Variants in PRRG1 observed in about 807,000 individuals in gnomAD.
The protein encoded by PRRG1 is transmembrane gamma-carboxyglutamic acid protein 1.
Under a neutral mutation model 11.8 loss-of-function variants are expected in PRRG1, and 5 were observed. The ratio of observed to expected loss-of-function variants is 0.42; its 90% CI spans 0.22 to 0.89. The LOEUF (loss-of-function observed/expected upper bound fraction) is 0.89. PRRG1 is among the 40% of genes least tolerant of loss of function. The pLI is 0.28. For synonymous variants in PRRG1, 66 were observed against 60.4 expected (o/e 1.09, Z -0.43); for missense variants, 155 against 166.1 (o/e 0.93, Z 0.37).
intron 1 of PRRG1, among the ~76,000 whole-genome samples, chrX:37,361,623 G>T (rs181288362): frequency 2.6e-4 from 29 of 111,709 alleles, no homozygotes; most frequent in Non-Finnish European, 4.3e-4. Context: ...GTTGTCTGTG[G>T]TCTATTTCTT....
chrX:37,378,487 C>G (rs1931050468), intron 1 of PRRG1, among the ~76,000 whole-genome samples: 1 of 111,748 alleles, frequency 8.9e-6, no homozygotes, highest in Admixed American at 9.5e-5. Flanking sequence ...AGCAGCCTTT[C>G]CTGAGTGACT....
intron 1 of PRRG1, among the ~76,000 whole-genome samples, chrX:37,400,903 C>T (rs781863611): frequency 2.3e-3 from 256 of 110,755 alleles, no homozygotes; most frequent in Non-Finnish European, 3.9e-3. Flanking sequence ...ATAAATTCCT[C>T]GACACATACA....
At chrX:37,443,583 C>T (rs1933024755) in intron 3 of PRRG1, among the ~76,000 whole-genome samples, 1 of 111,537 alleles carries the variant, frequency 9.0e-6, no homozygotes, top group African/African-American at 3.3e-5. Context: ...AGTTTCTGTT[C>T]CCACCTGACC....
At chrX:37,361,580 A>G (rs781967485) in intron 1 of PRRG1, among the ~76,000 whole-genome samples, 8 of 111,648 alleles carry the variant, frequency 7.2e-5, no homozygotes, top group Admixed American at 1.9e-4. Flanking sequence ...CTTTGGGAGA[A>G]CATGTTATAT....
rs782294843 is a variant in PRRG1, at chrX:37,420,018, A to AT, written c.11-5814dup. Among the ~76,000 whole-genome samples, 400 of 111,190 alleles carry AT rather than the reference A, an allele frequency of 3.6e-3. 4 individuals are homozygous for AT. The highest frequency in any genetic ancestry group is 0.013 in the African/African-American group (386 of 30,586). On this transcript the variant is annotated intron_variant, in intron 2 of 3. Transcript: ENST00000378628. ...TTTTATTATCAGCTTGATAAATATC[A>AT]TTTTTTTTATTTCACAGAATAACTG...
intron 1 of PRRG1, among the ~76,000 whole-genome samples, chrX:37,360,610 G>A (rs1252792922): frequency 8.9e-6 from 1 of 112,343 alleles, no homozygotes; most frequent in Non-Finnish European, 1.9e-5. Context: ...ATGAGCTTGA[G>A]AAAAATGTGT....
Position 37,434,094 on chromosome X carries a change from TA to T in PRRG1, c.171+8095del, listed in dbSNP as rs781908668. On this transcript the variant is annotated intron_variant, in intron 3 of 3. Coordinates refer to ENST00000378628, the MANE Select transcript of PRRG1 (RefSeq NM_001142395.2). Reference sequence around the variant, plus strand: ...TTGCTTTCTACTTTTAGACTATCTTTACTATCTTTTTGTTTACTAAAATTTA... The same window carrying T: ...TTGCTTTCTACTTTTAGACTATCTTTCTATCTTTTTGTTTACTAAAATTTA... Among the ~76,000 whole-genome samples, 703 of 112,644 alleles carry T rather than the reference TA, an allele frequency of 6.2e-3. 2 individuals carry two copies. Among genetic ancestry groups the T allele is most frequent in the Non-Finnish European group, 0.011 (571 of 53,297 alleles).
chrX:37,394,863 A>G (rs1931662465), intron 1 of PRRG1, among the ~76,000 whole-genome samples: 1 of 111,222 alleles, frequency 9.0e-6, no homozygotes, highest in Non-Finnish European at 1.9e-5. Flanking sequence ...ATTTAACTTA[A>G]AACATTCAGC....
intron 3 of PRRG1, among the ~76,000 whole-genome samples, chrX:37,448,985 C>A (rs1556395895): frequency 9.0e-6 from 1 of 111,247 alleles, no homozygotes; most frequent in East Asian, 2.8e-4. Flanking sequence ...CTTAGATATA[C>A]ATGTTACTAC....
intron 1 of PRRG1, among the ~76,000 whole-genome samples, chrX:37,379,147 C>G (rs1287752951): frequency 4.1e-5 from 4 of 97,685 alleles, no homozygotes; most frequent in Non-Finnish European, 8.0e-5. Flanking sequence ...TTTTAAGACT[C>G]TCAAGTGTCA....
chrX:37,399,191 A>G (rs1931852443), intron 1 of PRRG1, among the ~76,000 whole-genome samples: 1 of 111,351 alleles, frequency 9.0e-6, no homozygotes. Context: ...AGATTCATCA[A>G]AGTTGAAATG....
At chrX:37,366,427 T>G (rs1228377669) in intron 1 of PRRG1, among the ~76,000 whole-genome samples, 7 of 112,418 alleles carry the variant, frequency 6.2e-5, no homozygotes, top group African/African-American at 2.3e-4. Flanking sequence ...AACAGCACCA[T>G]GATCCATTGC....
At chrX:37,401,816 T>C (rs2146574124) in intron 1 of PRRG1, among the ~76,000 whole-genome samples, 1 of 111,135 alleles carries the variant, frequency 9.0e-6, no homozygotes, top group East Asian at 2.8e-4. Context: ...TGTACAAAAA[T>C]GACAAGCATT....
intron 1 of PRRG1, among the ~76,000 whole-genome samples, chrX:37,371,177 A>C (rs1216275832): frequency 9.0e-6 from 1 of 111,559 alleles, no homozygotes; most frequent in Non-Finnish European, 1.9e-5. Context: ...TCTGAAGCAC[A>C]TAAAAATCCC....
intron 1 of PRRG1, among the ~76,000 whole-genome samples, chrX:37,351,321 C>T (rs111246316): frequency 0.018 from 1,997 of 109,871 alleles, 41 homozygotes; most frequent in African/African-American, 0.057. Flanking sequence ...GGTGAAACCC[C>T]GTCTCTACTA....
chrX:37,367,842 C>T (rs1405503985), intron 1 of PRRG1, among the ~76,000 whole-genome samples: 7 of 112,390 alleles, frequency 6.2e-5, no homozygotes, highest in Non-Finnish European at 1.3e-4. Flanking sequence ...AGAGAAAGCA[C>T]GTATAGAAAG....
intron 1 of PRRG1, among the ~76,000 whole-genome samples, chrX:37,368,789 T>C (rs2146527221): frequency 9.0e-6 from 1 of 111,562 alleles, no homozygotes; most frequent in East Asian, 2.8e-4. Flanking sequence ...AGAATTCTAT[T>C]TTATTTTTCC....
intron 1 of PRRG1, among the ~76,000 whole-genome samples, chrX:37,364,800 A>C (rs1485257709): frequency 2.7e-5 from 3 of 112,052 alleles, no homozygotes; most frequent in African/African-American, 9.7e-5. Flanking sequence ...TTACATTGCT[A>C]CAATGGCATG....
intron 2 of PRRG1, among the ~76,000 whole-genome samples, chrX:37,424,727 A>C (rs1932753919): frequency 9.1e-6 from 1 of 110,315 alleles, no homozygotes; most frequent in Non-Finnish European, 1.9e-5. Context: ...AGCTGGTGTC[A>C]ATTTGGATAC....
Sources: gnomAD v4.1 joint callset for allele counts (sites outside exome capture counted in the v4.1 genomes callset) on GRCh38, gnomAD v4.1.1 for gene constraint, MANE v1.5 for transcripts, NCBI Gene and HGNC (gene_info 2026-07-23, HGNC 2026-07-21) for gene names.